Variants in DNM3 observed in about 807,000 individuals in gnomAD.
DNM3 encodes dynamin-3.
In DNM3, 47 loss-of-function variants were observed where a neutral mutation model predicts 101.6. The observed-to-expected ratio is 0.46, with a 90% CI of 0.37 to 0.59. DNM3 has a LOEUF of 0.59. DNM3 is among the 20% of genes least tolerant of loss of function. DNM3 has a pLI of 0.00. For synonymous variants in DNM3, 385 were observed against 387.9 expected (o/e 0.99, Z 0.09); for missense variants, 849 against 1,085.7 (o/e 0.78, Z 3.06).
chr1:171,871,178 A>T (rs889063445), intron 1 of DNM3, among the ~76,000 whole-genome samples: 1 of 152,182 alleles, frequency 6.6e-6, no homozygotes, highest in Non-Finnish European at 1.5e-5. Flanking sequence ...AAGTGACATG[A>T]TGTGCAATTA....
intron 11 of DNM3, among the ~76,000 whole-genome samples, chr1:172,072,481 A>G (rs1319824068): frequency 1.3e-5 from 2 of 152,220 alleles, no homozygotes; most frequent in Non-Finnish European, 2.9e-5. Flanking sequence ...GAGATTAGCC[A>G]CAAAAACAAA....
At chr1:172,084,028 A>T (rs971311148) in intron 12 of DNM3, among the ~76,000 whole-genome samples, 4 of 152,146 alleles carry the variant, frequency 2.6e-5, no homozygotes, top group South Asian at 4.1e-4. Flanking sequence ...TTCTCATCTA[A>T]TTTAAATTGC....
Position 171,875,005 on chromosome 1 carries a change from CT to C in DNM3, c.161+33193del, listed in dbSNP as rs539136183. Among the ~76,000 whole-genome samples, 51 of 152,106 alleles carry C rather than the reference CT, an allele frequency of 3.4e-4. No homozygotes were observed. In the South Asian group the frequency reaches 0.01, roughly 30 times the overall value. ...TTGCTGCAAAGGACACGATTTTGTT[CT>C]TTTTATGGCTGCATAGTATTCCATG... On this transcript the variant is annotated intron_variant, in intron 1 of 20. Coordinates refer to ENST00000627582, the MANE Select transcript of DNM3 (RefSeq NM_015569.5).
chr1:172,263,057 G>C (rs566662309), intron 15 of DNM3, among the ~76,000 whole-genome samples: 63 of 152,100 alleles, frequency 4.1e-4, no homozygotes, highest in Non-Finnish European at 7.8e-4. Context: ...TGTCTTATAG[G>C]AAATAGTTTT....
intron 2 of DNM3, among the ~76,000 whole-genome samples, chr1:171,971,265 C>T (rs573684013): frequency 6.6e-6 from 1 of 151,814 alleles, no homozygotes; most frequent in South Asian, 2.1e-4. Context: ...CTCTTTTCTC[C>T]TCTTGGTTTT....
chr1:172,176,008 C>T (rs1572837217), intron 14 of DNM3, among the ~76,000 whole-genome samples: 1 of 151,724 alleles, frequency 6.6e-6, no homozygotes, highest in African/African-American at 2.4e-5. Flanking sequence ...CTCCAACCCT[C>T]CCAAGGGTGT....
chr1:172,008,905 A>G lies in DNM3; in HGVS notation c.589+19757A>G, dbSNP rs569299066. 9.4e-3 allele frequency among the ~76,000 whole-genome samples: 1,297 copies of G among 138,314 alleles called. 23 individuals carry two copies. Among genetic ancestry groups the G allele is most frequent in the African/African-American group, 0.033 (1,234 of 37,920 alleles). 90.7% of individuals were successfully genotyped at this position (138,314 alleles called of 152,430 possible). On this transcript the variant is annotated intron_variant, in intron 4 of 20. Coordinates refer to ENST00000627582, the MANE Select transcript of DNM3 (RefSeq NM_015569.5). The stretch of plus-strand genomic sequence containing the variant: ...ATATTATATTAAAATATTAATAAAT[A>G]TATCATATTAAATATTATATTAATT...
chr1:172,131,377 A>T, intron 14 of DNM3, 89 bp downstream of exon 14: 1 of 1,093,494 alleles, frequency 9.1e-7, no homozygotes, highest in Admixed American at 2.0e-5. Context: ...ATTTTGAGAC[A>T]CCAGTGGTTC....
chr1:172,280,838 G>C (rs532770238), intron 15 of DNM3, among the ~76,000 whole-genome samples: 4 of 152,244 alleles, frequency 2.6e-5, no homozygotes, highest in East Asian at 3.9e-4. Context: ...TGCACACACA[G>C]AGTGAGAGAT....
intron 17 of DNM3, among the ~76,000 whole-genome samples, chr1:172,349,457 A>C (rs1333374643): frequency 1.3e-5 from 2 of 152,158 alleles, no homozygotes; most frequent in Non-Finnish European, 2.9e-5. Context: ...AGTCAGAGGG[A>C]ATTCATTTTG....
In DNM3 at chr1:172,348,604, T is replaced by C. The variant is rs181947518; in HGVS notation, c.1893+25264T>C. On this transcript the variant is annotated intron_variant, in intron 17 of 20. Coordinates refer to ENST00000627582, the MANE Select transcript of DNM3 (RefSeq NM_015569.5). ...AGAGTATTTTGTGTACTGAAATAAA[T>C]GTAAACCAAAAAAGTAATGGAAAGA... Among the ~76,000 whole-genome samples, 3 of 152,166 alleles carry C rather than the reference T, an allele frequency of 2.0e-5. No homozygotes were observed. The East Asian group carries it at 5.8e-4, about 29-fold the overall frequency.
At chr1:172,370,555 A>G (rs1236486616) in intron 17 of DNM3, among the ~76,000 whole-genome samples, 1 of 151,986 alleles carries the variant, frequency 6.6e-6, no homozygotes. Flanking sequence ...AAAAGAGAGG[A>G]TAACAGCCTA....
chr1:172,409,839 T>C lies in DNM3; in HGVS notation c.*1998T>C, dbSNP rs2071109484. 3.0e-6 allele frequency: 3 copies of C among 985,660 alleles called. No individual in the cohort carries two copies. Among genetic ancestry groups the C allele is most frequent in the African/African-American group, 1.7e-5 (1 of 57,220 alleles). 61.1% of individuals were successfully genotyped at this position (985,660 alleles called of 1,614,324 possible). ...GGGTTTGGCTTTGTGCTAAATGTGG[T>C]TTTGTGTTTTGCTGTATTTCAAAAT... is the stretch of plus-strand genomic sequence containing the variant. On this transcript the variant is annotated 3_prime_UTR_variant, in exon 21 of 21. Transcript: ENST00000627582.
At chr1:172,311,460 T>C (rs2065076678) in intron 16 of DNM3, among the ~76,000 whole-genome samples, 2 of 152,104 alleles carry the variant, frequency 1.3e-5, no homozygotes, top group African/African-American at 4.8e-5. Flanking sequence ...AAATAATGCT[T>C]AGCCAGGCAC....
intron 14 of DNM3, among the ~76,000 whole-genome samples, chr1:172,193,016 C>T (rs1295552564): frequency 6.6e-6 from 1 of 151,420 alleles, no homozygotes; most frequent in Admixed American, 6.6e-5. Flanking sequence ...GTTCCAATTT[C>T]TCTACATCCT....
At chr1:171,927,824 G>A (rs927299847) in intron 2 of DNM3, among the ~76,000 whole-genome samples, 1 of 152,108 alleles carries the variant, frequency 6.6e-6, no homozygotes, top group Non-Finnish European at 1.5e-5. Flanking sequence ...TCCATATTCT[G>A]AATTCTATTT....
At position 172,081,811 on chromosome 1, in the gene DNM3, GT is replaced by G; in HGVS notation, c.1423-20del. On this transcript the variant is annotated intron_variant, in intron 11 of 20. Transcript: ENST00000627582. ...AATTTTTAGATGGGTTTTCACTGAA[GT>G]GTTTCTCTTTGACTTATAGGTATTG... 6.3e-7 allele frequency: 1 copy of G among 1,598,384 alleles called. No homozygotes were observed. The highest frequency in any genetic ancestry group is 1.1e-5 in the South Asian group (1 of 88,270).
intron 1 of DNM3, among the ~76,000 whole-genome samples, chr1:171,889,897 A>G (rs1239393995): frequency 6.6e-6 from 1 of 152,228 alleles, no homozygotes; most frequent in Non-Finnish European, 1.5e-5. Flanking sequence ...AATATTTAAT[A>G]CATATAGTAT....
At chr1:171,877,529 C>T (rs2035891871) in intron 1 of DNM3, among the ~76,000 whole-genome samples, 2 of 152,198 alleles carry the variant, frequency 1.3e-5, no homozygotes, top group South Asian at 4.1e-4. Flanking sequence ...ACTTCGGCCT[C>T]CTTTCTATTT....
Sources: allele counts gnomAD v4.1 joint callset (sites outside exome capture counted in the v4.1 genomes callset), GRCh38; gene constraint gnomAD v4.1.1; transcripts MANE v1.5; gene names NCBI Gene and HGNC (gene_info 2026-07-23, HGNC 2026-07-21).